Variants in PTPRN2 observed in about 807,000 individuals in gnomAD.
PTPRN2 encodes the protein receptor-type tyrosine-protein phosphatase N2.
Under a neutral mutation model 118.8 loss-of-function variants are expected in PTPRN2, and 74 were observed. The observed-to-expected ratio is 0.62, with a 90% CI of 0.52 to 0.76. The LOEUF is 0.76. Ranked by LOEUF, PTPRN2 falls within the 30% of genes least tolerant of loss-of-function variation. The pLI, the probability that PTPRN2 is intolerant of heterozygous loss-of-function variation, is 0.00. For missense variants in PTPRN2, 1,481 were observed against 1,394.4 expected, an observed-to-expected ratio of 1.06 and a Z score of -0.99; for synonymous variants, 641 against 608.0, an observed-to-expected ratio of 1.05 and a Z score of -0.80.
intron 2 of PTPRN2, among the ~76,000 whole-genome samples, chr7:158,424,910 C>T (rs1242660119): frequency 2.0e-5 from 3 of 152,140 alleles, no homozygotes; most frequent in Non-Finnish European, 4.4e-5. Context: ...CCGGGGATCT[C>T]GGGGCCCACA....
At chr7:158,587,118 C>G (rs1207612404) in intron 1 of PTPRN2, among the ~76,000 whole-genome samples, 1 of 150,600 alleles carries the variant, frequency 6.6e-6, no homozygotes, top group Non-Finnish European at 1.5e-5. Context: ...AAGGCGCGCT[C>G]CCCACTCACT....
intron 9 of PTPRN2, among the ~76,000 whole-genome samples, chr7:158,131,714 A>T (rs566871586): frequency 1.2e-5 from 1 of 83,460 alleles, no homozygotes; most frequent in South Asian, 4.7e-4. Flanking sequence ...ATATGCACAG[A>T]TACACACACA....
intron 13 of PTPRN2, among the ~76,000 whole-genome samples, chr7:157,668,708 A>G (rs1796259876): frequency 6.6e-6 from 1 of 152,206 alleles, no homozygotes; most frequent in African/African-American, 2.4e-5. Flanking sequence ...GGTGGCTCGA[A>G]TGTAAAACGG....
At chr7:158,258,142 A>C (rs1299747547) in intron 3 of PTPRN2, among the ~76,000 whole-genome samples, 1 of 152,242 alleles carries the variant, frequency 6.6e-6, no homozygotes, top group Non-Finnish European at 1.5e-5. Context: ...AACAGCTCAC[A>C]GCATGGCTGC....
rs1225676162 is a variant in PTPRN2 at position 157,874,651 on chromosome 7, C to T, written c.1788+24022G>A. Among the ~76,000 whole-genome samples, 1 of 152,168 alleles carries T rather than the reference C, an allele frequency of 6.6e-6. No individual in the cohort carries two copies. The highest frequency in any genetic ancestry group is 2.4e-5 in the African/African-American group (1 of 41,428). ...AGGGGGGCAGAGAAGGCCGTGCCAC[C>T]CAGCAGCACAAGGCAGGGGTTTGCT... On this transcript the variant is annotated intron_variant, in intron 12 of 22. Coordinates refer to ENST00000389418, the MANE Select transcript of PTPRN2 (RefSeq NM_002847.5). The surrounding 1 kb of genome is among the most constrained non-coding windows in gnomAD (Gnocchi z 5.8).
chr7:158,399,743 T>TGAC (rs1295993133), intron 2 of PTPRN2, among the ~76,000 whole-genome samples: 2 of 151,958 alleles, frequency 1.3e-5, no homozygotes, highest in African/African-American at 4.8e-5. Context: ...AAAAAAAGTG[T>TGAC]GACAAGGAAG....
intron 1 of PTPRN2, among the ~76,000 whole-genome samples, chr7:158,576,234 G>A (rs1828311010): frequency 6.6e-6 from 1 of 152,108 alleles, no homozygotes; most frequent in African/African-American, 2.4e-5. Context: ...CTGCCAGCCC[G>A]GGCTGCCTGC....
At chr7:157,566,142 A>C (rs534535130) in intron 21 of PTPRN2, among the ~76,000 whole-genome samples, 9 of 152,266 alleles carry the variant, frequency 5.9e-5, no homozygotes, top group African/African-American at 1.7e-4. Flanking sequence ...CAGCTGCTGG[A>C]GCTAAAAGCA....
intron 3 of PTPRN2, among the ~76,000 whole-genome samples, chr7:158,246,900 G>A (rs1796290667): frequency 6.6e-6 from 1 of 152,112 alleles, no homozygotes; most frequent in Non-Finnish European, 1.5e-5. Context: ...AGGACTGAGA[G>A]GGGCTACACC....
intron 9 of PTPRN2, among the ~76,000 whole-genome samples, chr7:158,131,628 TAC>T (rs931903443): frequency 1.2e-4 from 14 of 115,144 alleles, no homozygotes; most frequent in Admixed American, 1.7e-4. Context: ...CTACCCGACA[TAC>T]ACACTCATAC....
rs891967176 is a variant in PTPRN2 at position 158,574,084 on chromosome 7, A to T, written c.112+13474T>A. Among the ~76,000 whole-genome samples the T allele has an allele frequency of 6.6e-6, 1 of 152,226 alleles. No homozygotes were observed. Among genetic ancestry groups the T allele is most frequent in the African/African-American group, 2.4e-5 (1 of 41,460 alleles). ...AAGCATCACAGTTAGACCCACAAGA[A>T]GGCAACCAGAAAGATTAAAAATCAT... On this transcript the variant is annotated intron_variant, in intron 1 of 22. Coordinates refer to ENST00000389418, the MANE Select transcript of PTPRN2 (RefSeq NM_002847.5). This position sits in a 1 kb window ranked among gnomAD's most constrained non-coding sequence, Gnocchi z 4.6.
Position 158,333,747 on chromosome 7 carries a change from C to A in PTPRN2, c.164-16815G>T, listed in dbSNP as rs1373014425. Among the ~76,000 whole-genome samples the A allele has an allele frequency of 6.6e-5, 10 of 150,702 alleles. No individual in the cohort carries two copies. The East Asian group carries it at 1.8e-3, about 27-fold the overall frequency. ...GAGGTCACTCACACACATACTCTCACCATAAGAGCTGACACCCGCAGACAT... is the reference window on the plus strand; with the variant it reads ...GAGGTCACTCACACACATACTCTCAACATAAGAGCTGACACCCGCAGACAT... On this transcript the variant is annotated intron_variant, in intron 2 of 22. Coordinates refer to ENST00000389418, the MANE Select transcript of PTPRN2 (RefSeq NM_002847.5).
At chr7:158,149,274 G>C (rs184015066) in intron 6 of PTPRN2, among the ~76,000 whole-genome samples, 2 of 152,018 alleles carry the variant, frequency 1.3e-5, no homozygotes, top group Non-Finnish European at 2.9e-5. Context: ...CCAACCAAAA[G>C]ACCTCCAAAC....
intron 2 of PTPRN2, among the ~76,000 whole-genome samples, chr7:158,317,591 G>A (rs1054232926): frequency 2.6e-5 from 4 of 152,182 alleles, no homozygotes; most frequent in African/African-American, 7.2e-5. Flanking sequence ...TTTATTCGGC[G>A]AATTGTTCAC....
chr7:158,380,255 A>C (rs139073966), intron 2 of PTPRN2, among the ~76,000 whole-genome samples: 2,097 of 152,332 alleles, frequency 0.014, 22 homozygotes, highest in Non-Finnish European at 0.019. Flanking sequence ...CCAATGTCTC[A>C]TCTGAGACAA....
intron 3 of PTPRN2, among the ~76,000 whole-genome samples, chr7:158,235,006 C>T (rs979283348): frequency 7.9e-5 from 12 of 152,200 alleles, no homozygotes; most frequent in Non-Finnish European, 1.6e-4. Context: ...TCATGATCTG[C>T]CTGCCTCAGC....
intron 3 of PTPRN2, among the ~76,000 whole-genome samples, chr7:158,263,585 C>A: frequency 6.6e-6 from 1 of 152,252 alleles, no homozygotes; most frequent in Non-Finnish European, 1.5e-5. Flanking sequence ...TATTTCCCAT[C>A]GCTCTGCCAC....
intron 3 of PTPRN2, among the ~76,000 whole-genome samples, chr7:158,258,789 TG>T: frequency 6.6e-6 from 1 of 152,356 alleles, no homozygotes; most frequent in East Asian, 1.9e-4. Context: ...TTGTTCATAT[TG>T]TTAAGCTTTA....
At chr7:157,755,555 T>C (rs534024665) in intron 12 of PTPRN2, among the ~76,000 whole-genome samples, 5 of 152,140 alleles carry the variant, frequency 3.3e-5, no homozygotes, top group African/African-American at 4.8e-5. Flanking sequence ...ATAAAAAGAA[T>C]GAAATCATGT....
Sources: allele counts gnomAD v4.1 joint callset (sites outside exome capture counted in the v4.1 genomes callset), GRCh38; gene constraint gnomAD v4.1.1; non-coding constraint Gnocchi (gnomAD v3.1); transcripts MANE v1.5; gene names NCBI Gene and HGNC (gene_info 2026-07-23, HGNC 2026-07-21).